Variants in ATXN7L1 observed in about 807,000 individuals in gnomAD.
ATXN7L1 encodes ataxin 7 like 1, also known as ataxin-7-like protein 1.
Under a neutral mutation model 70.8 loss-of-function variants are expected in ATXN7L1, and 15 were observed. That is an observed-to-expected ratio of 0.21 (90% confidence interval 0.14 to 0.33). The LOEUF (loss-of-function observed/expected upper bound fraction) is 0.33, where lower values mean the gene tolerates loss of function less well. Ranked by LOEUF, ATXN7L1 falls within the 10% of genes least tolerant of loss-of-function variation. The pLI is 1.00. For missense variants in ATXN7L1, 975 were observed against 1,097.1 expected, an observed-to-expected ratio of 0.89 and a Z score of 1.57; for synonymous variants, 440 against 445.1, an observed-to-expected ratio of 0.99 and a Z score of 0.14.
In ATXN7L1 at chr7:105,607,167, A is replaced by T. The variant is rs1291109719; in HGVS notation, c.*685T>A. ...TATCCTTTCTGAGCTGCACAGCTGG[A>T]CAGTGGTATTAGGTAAACCACATCA... On this transcript the variant is annotated 3_prime_UTR_variant, in exon 12 of 12. Transcript: ENST00000419735. 1 of 152,496 alleles carries T rather than the reference A, an allele frequency of 6.6e-6. No individual in the cohort carries two copies. Among genetic ancestry groups the T allele is most frequent in the East Asian group, 1.9e-4 (1 of 5,188 alleles). 9.4% of individuals were successfully genotyped at this position (152,496 alleles called of 1,614,324 possible). A position where few individuals can be genotyped will look rare whatever the true frequency, so the allele number is the denominator to read the frequency against.
chr7:105,706,713 CTG>C (rs919525301), intron 3 of ATXN7L1, among the ~76,000 whole-genome samples: 1 of 152,258 alleles, frequency 6.6e-6, no homozygotes, highest in Non-Finnish European at 1.5e-5. Context: ...CTCACCAACT[CTG>C]TGGCTTCTAG....
chr7:105,866,296 G>A (rs1032852960), intron 2 of ATXN7L1, among the ~76,000 whole-genome samples: 2 of 152,116 alleles, frequency 1.3e-5, no homozygotes, highest in African/African-American at 2.4e-5. Context: ...CCCCATTATG[G>A]TGACCTGGTG....
chr7:105,649,335 G>A (rs1006714515), intron 4 of ATXN7L1: 40 of 980,206 alleles, frequency 4.1e-5, no homozygotes, highest in Middle Eastern at 3.3e-4. Flanking sequence ...CCTCTGTCTC[G>A]GTCCTGGGAA....
intron 2 of ATXN7L1, among the ~76,000 whole-genome samples, chr7:105,813,080 C>G (rs1325492138): frequency 6.6e-6 from 1 of 152,224 alleles, no homozygotes; most frequent in Non-Finnish European, 1.5e-5. Flanking sequence ...GACTTCTCCA[C>G]AGATACCGCC....
intron 2 of ATXN7L1, among the ~76,000 whole-genome samples, chr7:105,798,166 G>A (rs1479849706): frequency 1.3e-5 from 2 of 152,196 alleles, no homozygotes; most frequent in Non-Finnish European, 2.9e-5. Flanking sequence ...CAGGTGAGCC[G>A]TCAGTGGAGA....
intron 2 of ATXN7L1, among the ~76,000 whole-genome samples, chr7:105,840,182 G>A (rs960840704): frequency 6.6e-6 from 1 of 152,210 alleles, no homozygotes; most frequent in African/African-American, 2.4e-5. Flanking sequence ...AGACCCCAGG[G>A]AGCCACTGGC....
intron 2 of ATXN7L1, among the ~76,000 whole-genome samples, chr7:105,809,416 C>T (rs767076466): frequency 6.6e-6 from 1 of 152,158 alleles, no homozygotes; most frequent in African/African-American, 2.4e-5. Flanking sequence ...GAGCAGCAAC[C>T]TCACTTCCTC....
In ATXN7L1 at chr7:105,638,565, C is replaced by T. The variant is rs1247277397; in HGVS notation, c.990G>A (p.Lys330=). 3.9e-6 allele frequency: 6 copies of T among 1,551,954 alleles called. No homozygotes were observed. The highest frequency in any genetic ancestry group is 4.4e-6 in the Non-Finnish European group (5 of 1,147,034). The change falls in exon 7 of 12, where the codon AAG becomes AAA. Residue 330 remains lysine, a synonymous_variant. Transcript: ENST00000419735. Reference sequence around the variant, plus strand: ...GTTCTGCCAGGAGGAGGTCAAATTGCTTTTTCCGGCCTGGGACTGCCCTCC... The same window carrying T: ...GTTCTGCCAGGAGGAGGTCAAATTGTTTTTTCCGGCCTGGGACTGCCCTCC... ...SHRRAVPGRK[K]QFDLLLAEHK...
chr7:105,624,162 C>G lies in ATXN7L1; in HGVS notation c.1308G>C (p.Leu436=). The change falls in exon 8 of 12, where the codon CTG becomes CTC. Residue 436 remains leucine (L), a synonymous_variant. Transcript: ENST00000419735. The part of the protein sequence containing the change: ...PPVGGDLASR[L]SSDEGEMDGA... The stretch of plus-strand genomic sequence containing the variant: ...CGTCCATCTCCCCTTCATCACTGGA[C>G]AGTCGGCTGGCGAGGTCACCTCCAA... 6.5e-7 allele frequency: 1 copy of G among 1,534,924 alleles called. No homozygotes were observed.
intron 3 of ATXN7L1, among the ~76,000 whole-genome samples, chr7:105,677,308 G>A (rs770298782): frequency 6.6e-6 from 1 of 152,168 alleles, no homozygotes; most frequent in Non-Finnish European, 1.5e-5. Context: ...TGGGACTTGG[G>A]GAAATAACTT....
intron 3 of ATXN7L1, among the ~76,000 whole-genome samples, chr7:105,756,046 G>A (rs950375858): frequency 3.3e-5 from 5 of 152,126 alleles, no homozygotes; most frequent in Admixed American, 6.5e-5. Context: ...CGCGTGTATC[G>A]TCAGAGGCTG....
At chr7:105,823,574 C>G (rs553851691) in intron 2 of ATXN7L1, among the ~76,000 whole-genome samples, 1 of 152,300 alleles carries the variant, frequency 6.6e-6, no homozygotes, top group South Asian at 2.1e-4. Flanking sequence ...CCAGCAGTGC[C>G]TTGAACCCAC....
chr7:105,636,935 T>C (rs1797475856), intron 7 of ATXN7L1, among the ~76,000 whole-genome samples: 1 of 152,218 alleles, frequency 6.6e-6, no homozygotes, highest in South Asian at 2.1e-4. Flanking sequence ...AGTCGCTGTA[T>C]ATACAATTGA....
rs553428237 is a variant in ATXN7L1 at position 105,876,599 on chromosome 7, G to A, written c.-41C>T. ...ACATTGAGTGTTCTGAAAGGGGGAG[G>A]GAGGGAGGAAGGGCGGGATGGGAGG... On this transcript the variant is annotated 5_prime_UTR_variant, in exon 1 of 12. Transcript: ENST00000419735. 2 of 1,467,608 alleles carry A rather than the reference G, an allele frequency of 1.4e-6. No homozygotes were observed. The highest frequency in any genetic ancestry group is 1.8e-5 in the Admixed American group (1 of 56,024). 90.9% of individuals were successfully genotyped at this position (1,467,608 alleles called of 1,614,324 possible).
chr7:105,795,206 TACTA>T (rs942168004), intron 2 of ATXN7L1, among the ~76,000 whole-genome samples: 1 of 152,220 alleles, frequency 6.6e-6, no homozygotes, highest in African/African-American at 2.4e-5. Context: ...AAAAGTAAAG[TACTA>T]ACTGACTTCC....
intron 2 of ATXN7L1, among the ~76,000 whole-genome samples, chr7:105,832,718 G>A (rs748135389): frequency 1.3e-5 from 2 of 152,102 alleles, no homozygotes; most frequent in Non-Finnish European, 2.9e-5. Flanking sequence ...TGTCCAGAAC[G>A]GAACTACTGA....
intron 3 of ATXN7L1, among the ~76,000 whole-genome samples, chr7:105,786,596 C>T (rs1423549592): frequency 1.3e-5 from 2 of 152,178 alleles, no homozygotes; most frequent in Non-Finnish European, 2.9e-5. Flanking sequence ...TCATAGCTCA[C>T]AGCAACCTCG....
At chr7:105,758,178 C>T (rs1800043268) in intron 3 of ATXN7L1, among the ~76,000 whole-genome samples, 1 of 152,208 alleles carries the variant, frequency 6.6e-6, no homozygotes, top group Non-Finnish European at 1.5e-5. Flanking sequence ...GCAGGCTGGG[C>T]TGGCTCCCAG....
intron 2 of ATXN7L1, among the ~76,000 whole-genome samples, chr7:105,854,075 A>G (rs1324003483): frequency 6.6e-6 from 1 of 152,142 alleles, no homozygotes; most frequent in East Asian, 1.9e-4. Context: ...CCCAGAGCCC[A>G]TCTCTGCAGG....
Sources: allele counts gnomAD v4.1 joint callset (sites outside exome capture counted in the v4.1 genomes callset), GRCh38; gene constraint gnomAD v4.1.1; transcripts MANE v1.5; gene names NCBI Gene and HGNC (gene_info 2026-07-23, HGNC 2026-07-21).